DPP6: variants seen among roughly 807,000 people sequenced by gnomAD.
DPP6 encodes A-type potassium channel modulatory protein DPP6.
Under a neutral mutation model 122.6 loss-of-function variants are expected in DPP6, and 69 were observed. The ratio of observed to expected loss-of-function variants is 0.56; its 90% CI spans 0.46 to 0.69. The LOEUF is 0.69. Ranked by LOEUF, DPP6 falls within the 30% of genes least tolerant of loss-of-function variation. DPP6 has a pLI of 0.00. For missense variants in DPP6, 928 were observed against 1,116.9 expected (o/e 0.83, Z 2.41); for synonymous variants, 418 against 433.1 (o/e 0.97, Z 0.43).
chr7:154,512,311 G>T (rs779500816), intron 3 of DPP6, among the ~76,000 whole-genome samples: 2 of 152,146 alleles, frequency 1.3e-5, no homozygotes, highest in Non-Finnish European at 2.9e-5. Flanking sequence ...GTGAACCAAA[G>T]TGCCCCCATG....
At position 154,750,236 on chromosome 7, in the gene DPP6, G is replaced by A. The variant is rs117967662; in HGVS notation, c.884-19181G>A. On this transcript the variant is annotated intron_variant, in intron 8 of 25. Transcript: ENST00000377770. Reference sequence around the variant, plus strand: ...GGCCTGCAGCAGGCAGAACCTATCCGTAGATGAACACCCTCGCTCTCCAGA... The same window carrying A: ...GGCCTGCAGCAGGCAGAACCTATCCATAGATGAACACCCTCGCTCTCCAGA... Among the ~76,000 whole-genome samples, 1,007 of 152,308 alleles carry A rather than the reference G, an allele frequency of 6.6e-3. 25 individuals are homozygous for A. The East Asian group carries it at 0.078, about 12-fold the overall frequency.
At chr7:154,807,965 A>G (rs867899137) in intron 16 of DPP6, among the ~76,000 whole-genome samples, 8 of 152,266 alleles carry the variant, frequency 5.3e-5, no homozygotes, top group Admixed American at 6.5e-5. Context: ...AGAGTAGGCC[A>G]TGTTGCATAT....
intron 7 of DPP6, among the ~76,000 whole-genome samples, chr7:154,693,794 C>T (rs917685724): frequency 2.6e-5 from 4 of 152,184 alleles, no homozygotes; most frequent in Non-Finnish European, 2.9e-5. Flanking sequence ...TATGATGTGG[C>T]CTGCCATAGT....
chr7:153,939,543 A>G (rs758094575), intron 1 of DPP6, among the ~76,000 whole-genome samples: 1 of 152,194 alleles, frequency 6.6e-6, no homozygotes, highest in Non-Finnish European at 1.5e-5. Flanking sequence ...GGAGTCTGAA[A>G]AAAAAGGACC....
chr7:154,705,257 A>C (rs573714935), intron 7 of DPP6, among the ~76,000 whole-genome samples: 2 of 152,348 alleles, frequency 1.3e-5, no homozygotes, highest in African/African-American at 4.8e-5. Flanking sequence ...GGAATGTCTT[A>C]CTTACCTGGG....
chr7:154,203,223 G>A (rs1254858270), intron 1 of DPP6, among the ~76,000 whole-genome samples: 1 of 152,168 alleles, frequency 6.6e-6, no homozygotes, highest in Non-Finnish European at 1.5e-5. Flanking sequence ...AGTGCATGGG[G>A]CTGCTGATGT....
At chr7:154,029,868 A>T (rs1422783032) in intron 1 of DPP6, among the ~76,000 whole-genome samples, 1 of 150,448 alleles carries the variant, frequency 6.6e-6, no homozygotes, top group Non-Finnish European at 1.5e-5. Flanking sequence ...TAAAGAAAAA[A>T]GAAAAAAAGA....
chr7:154,368,000 G>T (rs565473170), intron 1 of DPP6, among the ~76,000 whole-genome samples: 1 of 152,056 alleles, frequency 6.6e-6, no homozygotes, highest in African/African-American at 2.4e-5. Flanking sequence ...TAGAGACAGG[G>T]TTTTACCATG....
At chr7:154,126,975 A>C (rs1585431274) in intron 1 of DPP6, among the ~76,000 whole-genome samples, 1 of 151,910 alleles carries the variant, frequency 6.6e-6, no homozygotes, top group East Asian at 1.9e-4. Flanking sequence ...TGCTCTTCCC[A>C]CCCCTTCCAG....
intron 1 of DPP6, among the ~76,000 whole-genome samples, chr7:153,939,966 A>G (rs564475539): frequency 2.0e-4 from 30 of 152,326 alleles, no homozygotes; most frequent in Admixed American, 2.0e-3. Context: ...GAGCATCATC[A>G]AAGTGGCAGA....
At chr7:154,126,819 C>T (rs1473475021) in intron 1 of DPP6, among the ~76,000 whole-genome samples, 1 of 152,188 alleles carries the variant, frequency 6.6e-6, no homozygotes, top group Non-Finnish European at 1.5e-5. Flanking sequence ...GGGGCCAGCC[C>T]CAGTTTGCCT....
the DPP6 span, among the ~76,000 whole-genome samples, chr7:153,871,169 T>C: frequency 6.2e-4 from 95 of 152,346 alleles, no homozygotes; most frequent in Non-Finnish European, 1.2e-3. Flanking sequence ...CACTACTCTC[T>C]TTCAAAGCTG....
In DPP6 at chr7:154,460,830, G is replaced by A. The variant is rs1293969923; in HGVS notation, c.359-14109G>A. 2.0e-5 allele frequency among the ~76,000 whole-genome samples: 3 copies of A among 152,058 alleles called. No individual in the cohort carries two copies. In the South Asian group the frequency reaches 6.2e-4, roughly 31 times the overall value. The stretch of plus-strand genomic sequence containing the variant: ...AGAGTATCCATCCCCTTAAGCATTT[G>A]TCCTTTCTTTGTGTTGCAAACAATC... On this transcript the variant is annotated intron_variant, in intron 2 of 25. Coordinates refer to ENST00000377770, the MANE Select transcript of DPP6 (RefSeq NM_130797.4).
the DPP6 span, among the ~76,000 whole-genome samples, chr7:153,865,663 A>G: frequency 6.6e-6 from 1 of 152,256 alleles, no homozygotes; most frequent in African/African-American, 2.4e-5. Context: ...AAATTTTATT[A>G]TTACTATATT....
intron 1 of DPP6, among the ~76,000 whole-genome samples, chr7:154,405,122 C>T (rs771192151): frequency 6.6e-6 from 1 of 152,026 alleles, no homozygotes; most frequent in Non-Finnish European, 1.5e-5. Context: ...TGATTTTTCA[C>T]CAACCCTATA....
At chr7:154,756,645 G>A (rs545946869) in intron 8 of DPP6, among the ~76,000 whole-genome samples, 1 of 152,108 alleles carries the variant, frequency 6.6e-6, no homozygotes, top group South Asian at 2.1e-4. Context: ...ACCTCCTTAA[G>A]GTGCTGTGTT....
chr7:154,769,188 T>G (rs1796086792), intron 8 of DPP6, among the ~76,000 whole-genome samples: 1 of 152,180 alleles, frequency 6.6e-6, no homozygotes. Context: ...TGAGCTTTGG[T>G]TAATGGGGTT....
chr7:154,453,138 T>A (rs1010794265), intron 2 of DPP6, among the ~76,000 whole-genome samples: 4 of 151,912 alleles, frequency 2.6e-5, no homozygotes, highest in African/African-American at 9.7e-5. Context: ...GACGTGGGGG[T>A]CGGAAACTCC....
At position 154,101,990 on chromosome 7, in the gene DPP6, T is replaced by A. The variant is rs551261131; in HGVS notation, c.243+48927T>A. ...TTAACACTTCTTGCTCCTACCGTCT[T>A]ACTCATTTCTTCCTTCGTCACTCAT... is the stretch of plus-strand genomic sequence containing the variant. On this transcript the variant is annotated intron_variant, in intron 1 of 25. Transcript: ENST00000377770. 3.3e-5 allele frequency among the ~76,000 whole-genome samples: 5 copies of A among 151,730 alleles called. No homozygotes were observed. In the East Asian group the frequency reaches 9.7e-4, roughly 29 times the overall value.
Sources: allele counts gnomAD v4.1 joint callset (sites outside exome capture counted in the v4.1 genomes callset), GRCh38; gene constraint gnomAD v4.1.1; transcripts MANE v1.5; gene names NCBI Gene and HGNC (gene_info 2026-07-23, HGNC 2026-07-21).